Variants in SRGAP1 observed in about 807,000 individuals in gnomAD.
SRGAP1 encodes SLIT-ROBO Rho GTPase activating protein 1.
SRGAP1 carries 43 observed loss-of-function variants against 121.9 expected under a neutral mutation model. The observed-to-expected ratio is 0.35, with a 90% CI of 0.28 to 0.46. The LOEUF (loss-of-function observed/expected upper bound fraction) is 0.46. Among genes scored for constraint, SRGAP1 ranks in the 20% least tolerant of loss-of-function variants. SRGAP1 has a pLI of 1.00. For missense variants in SRGAP1, 1,102 were observed against 1,350.9 expected (o/e 0.82, Z 2.89); for synonymous variants, 447 against 485.4 (o/e 0.92, Z 1.04).
At chr12:63,880,346 C>T (rs1284267173) in intron 1 of SRGAP1, among the ~76,000 whole-genome samples, 1 of 152,134 alleles carries the variant, frequency 6.6e-6, no homozygotes, top group African/African-American at 2.4e-5. Flanking sequence ...ATTCTCCTGA[C>T]TCAGCCTCCC....
intron 1 of SRGAP1, among the ~76,000 whole-genome samples, chr12:63,946,504 T>C (rs1407072299): frequency 6.6e-6 from 1 of 151,842 alleles, no homozygotes; most frequent in Non-Finnish European, 1.5e-5. Flanking sequence ...ACTGACCTGC[T>C]TTCTCTTGCT....
At chr12:63,893,118 G>A (rs1331341910) in intron 1 of SRGAP1, among the ~76,000 whole-genome samples, 2 of 152,266 alleles carry the variant, frequency 1.3e-5, no homozygotes, top group East Asian at 1.9e-4. Flanking sequence ...ATAGTTAGAC[G>A]GTGATTATGC....
chr12:63,859,663 C>T (rs150807050), intron 1 of SRGAP1, among the ~76,000 whole-genome samples: 1,735 of 152,118 alleles, frequency 0.011, 15 homozygotes, highest in Middle Eastern at 0.038. Flanking sequence ...ATAATATAAA[C>T]GCTATTACTA....
intron 21 of SRGAP1, among the ~76,000 whole-genome samples, chr12:64,131,310 A>G (rs552900863): frequency 2.4e-4 from 37 of 152,290 alleles, no homozygotes; most frequent in African/African-American, 8.2e-4. Context: ...TTTGTCACCA[A>G]TTTTGCAATC....
intron 6 of SRGAP1, among the ~76,000 whole-genome samples, chr12:64,057,812 A>G (rs1457510106): frequency 1.3e-5 from 2 of 152,194 alleles, no homozygotes; most frequent in Admixed American, 6.5e-5. Context: ...TCTGCCGAAG[A>G]GAGTAATTCC....
rs531595274 is a variant in SRGAP1, at chr12:64,110,053, AAGC to A, written c.1919+1019_1919+1021del. Among the ~76,000 whole-genome samples the A allele has an allele frequency of 6.6e-5, 10 of 152,314 alleles. No individual in the cohort carries two copies. In the South Asian group the frequency reaches 2.1e-3, roughly 32 times the overall value. On this transcript the variant is annotated intron_variant, in intron 16 of 21. Transcript: ENST00000355086. ...TTGTACATTAATCACCACTGGAAAA[AAGC>A]AGTATCTAGAGAGTTAAGTTTAAAC...
chr12:63,925,838 C>T (rs1475178199), intron 1 of SRGAP1, among the ~76,000 whole-genome samples: 1 of 152,178 alleles, frequency 6.6e-6, no homozygotes, highest in South Asian at 2.1e-4. Context: ...TCTGACCCCA[C>T]TTTCCCCTAA....
intron 1 of SRGAP1, among the ~76,000 whole-genome samples, chr12:63,862,808 G>T (rs908597653): frequency 6.6e-6 from 1 of 152,142 alleles, no homozygotes; most frequent in Non-Finnish European, 1.5e-5. Flanking sequence ...TTATCCTTCT[G>T]CTCATATTGA....
intron 18 of SRGAP1, 76 bp from the exon 19 acceptor site, chr12:64,125,901 T>TA (rs1592345333): frequency 2.0e-6 from 3 of 1,472,866 alleles, no homozygotes; most frequent in East Asian, 4.6e-5. Flanking sequence ...TGAAGCCTCA[T>TA]AGAGCCCTCA....
chr12:64,030,630 T>G (rs2034755475), intron 4 of SRGAP1, among the ~76,000 whole-genome samples: 2 of 152,234 alleles, frequency 1.3e-5, no homozygotes, highest in African/African-American at 4.8e-5. Context: ...AACTTAAATG[T>G]AACCATCAAA....
At chr12:64,093,587 AC>A (rs1033572701) in intron 12 of SRGAP1, among the ~76,000 whole-genome samples, 20 of 152,154 alleles carry the variant, frequency 1.3e-4, no homozygotes, top group Non-Finnish European at 2.6e-4. Flanking sequence ...CCCCTAAAAC[AC>A]TTATATCTTA....
intron 1 of SRGAP1, among the ~76,000 whole-genome samples, chr12:63,886,742 A>T: frequency 6.6e-6 from 1 of 152,122 alleles, no homozygotes; most frequent in Admixed American, 6.5e-5. Flanking sequence ...AAATGCTGGG[A>T]TTACAGGCGT....
In SRGAP1 at chr12:64,149,168, G is replaced by A. The variant is rs893276934; in HGVS notation, c.*6496G>A. On this transcript the variant is annotated 3_prime_UTR_variant, in exon 22 of 22. Transcript: ENST00000355086. ...TTAAACATGGAGAAATGAATGGGGG[G>A]TGAGGGACCCACCTGTCAAAGGAAT... 1.3e-5 allele frequency: 2 copies of A among 152,194 alleles called. No individual in the cohort carries two copies. The highest frequency in any genetic ancestry group is 6.5e-5 in the Admixed American group (1 of 15,280). The allele number at this position is 152,194 out of a possible 1,614,324, so 9.4% of individuals were successfully genotyped here. A position where few individuals can be genotyped will look rare whatever the true frequency, so the allele number is the denominator to read the frequency against.
At chr12:63,953,078 C>T (rs1461227583) in intron 1 of SRGAP1, among the ~76,000 whole-genome samples, 1 of 152,204 alleles carries the variant, frequency 6.6e-6, no homozygotes, top group Non-Finnish European at 1.5e-5. Flanking sequence ...TGAAGTCACA[C>T]AAATAGTAAG....
chr12:64,064,457 A>T (rs2035502807), intron 7 of SRGAP1, among the ~76,000 whole-genome samples: 1 of 152,184 alleles, frequency 6.6e-6, no homozygotes, highest in Non-Finnish European at 1.5e-5. Flanking sequence ...GAATCACGTG[A>T]CTTGGCTGAT....
At chr12:64,100,700 A>G (rs2036240008) in intron 15 of SRGAP1, among the ~76,000 whole-genome samples, 1 of 152,204 alleles carries the variant, frequency 6.6e-6, no homozygotes, top group South Asian at 2.1e-4. Flanking sequence ...TGACACTAAC[A>G]ACCTCTTTAT....
chr12:63,908,981 C>G (rs2030360044), intron 1 of SRGAP1, among the ~76,000 whole-genome samples: 1 of 152,110 alleles, frequency 6.6e-6, no homozygotes, highest in African/African-American at 2.4e-5. Flanking sequence ...ACCTCTGCCT[C>G]CTGGGTTCAA....
chr12:63,999,400 A>G (rs1385495773), intron 3 of SRGAP1, among the ~76,000 whole-genome samples: 1 of 152,068 alleles, frequency 6.6e-6, no homozygotes, highest in Non-Finnish European at 1.5e-5. Context: ...GAAAGATAAT[A>G]AGACAGAAAG....
At chr12:64,020,119 A>G (rs2034506016) in intron 4 of SRGAP1, among the ~76,000 whole-genome samples, 1 of 152,158 alleles carries the variant, frequency 6.6e-6, no homozygotes, top group South Asian at 2.1e-4. Context: ...TCCCACAGCA[A>G]TTGTTGATTA....
Sources: gnomAD v4.1 joint callset for allele counts (sites outside exome capture counted in the v4.1 genomes callset) on GRCh38, gnomAD v4.1.1 for gene constraint, MANE v1.5 for transcripts, NCBI Gene and HGNC (gene_info 2026-07-23, HGNC 2026-07-21) for gene names.